Variants in RIMBP2 observed in about 807,000 individuals in gnomAD.
The protein encoded by RIMBP2 is RIMS binding protein 2, also known as RIMS-binding protein 2.
RIMBP2 carries 48 observed loss-of-function variants against 118.6 expected under a neutral mutation model. The observed-to-expected ratio is 0.40, with a 90% CI of 0.32 to 0.51. The LOEUF is 0.51. Ranked by LOEUF, RIMBP2 falls within the 20% of genes least tolerant of loss-of-function variation. The pLI, the probability that RIMBP2 is intolerant of heterozygous loss-of-function variation, is 0.41. For missense variants in RIMBP2, 1,551 were observed against 1,768.3 expected (o/e 0.88, Z 2.20); for synonymous variants, 762 against 742.9 (o/e 1.03, Z -0.42).
chr12:130,470,598 C>T, intron 6 of RIMBP2, 95 bp downstream of exon 6: 1 of 682,796 alleles, frequency 1.5e-6, no homozygotes, highest in Non-Finnish European at 2.1e-6. Context: ...ACCAGGCGCA[C>T]TTCATAAACA....
At position 130,424,395 on chromosome 12, in the gene RIMBP2, G is replaced by A. The variant is rs2076628858; in HGVS notation, c.2876C>T (p.Ala959Val). 1.6e-6 allele frequency: 2 copies of A among 1,232,598 alleles called. No individual in the cohort carries two copies. The highest frequency in any genetic ancestry group is 2.0e-6 in the Non-Finnish European group (2 of 988,188). The allele number at this position is 1,232,598 out of a possible 1,614,324, so 76.4% of individuals were successfully genotyped here. Reference protein sequence around the residue: ...PCRRGPRPLLARRRTLTRQSS... With the variant: ...PCRRGPRPLLVRRRTLTRQSS... ...CTGCCGGGTCAGCGTCCGCCGCCGG[G>A]CCAGCAGCGGCCTCGGGCCCCTCCT... Residue 959 changes from alanine (A) to valine (V), a missense_variant, in exon 16 of 23, where the codon GCC (alanine) becomes GTC (valine). Ala to Val is a moderately conservative substitution (Grantham distance 64, BLOSUM62 0). Transcript: ENST00000690449. This position sits in a 1 kb window ranked among gnomAD's most constrained non-coding sequence, Gnocchi z 9.8.
intron 2 of RIMBP2, among the ~76,000 whole-genome samples, chr12:130,603,424 C>G (rs1342312603): frequency 1.3e-5 from 2 of 152,212 alleles, no homozygotes; most frequent in African/African-American, 4.8e-5. Flanking sequence ...AGAGTGGAAA[C>G]AACCCAATAG....
chr12:130,428,290 C>T lies in RIMBP2; in HGVS notation c.2301G>A (p.Gly767=), dbSNP rs374975200. The T allele has an allele frequency of 4.2e-5, 67 of 1,612,870 alleles. No homozygotes were observed. The highest frequency in any genetic ancestry group is 5.4e-5 in the Non-Finnish European group (64 of 1,179,472). Residue 767 remains glycine (G), a synonymous_variant, in exon 15 of 23, where the codon GGG becomes GGA. Transcript: ENST00000690449. ...GDEYHTESSR[G]SDLSDIMEED... is the part of the protein sequence containing the mutation. ...CCTCCATGATGTCTGAGAGGTCAGA[C>T]CCCCGGCTGCTCTCTGTGTGGTACT...
rs901633055 is a variant in RIMBP2 at position 130,424,649 on chromosome 12, C to T, written c.2622G>A (p.Arg874=). 4 of 1,231,854 alleles carry T rather than the reference C, an allele frequency of 3.2e-6. No individual in the cohort carries two copies. The highest frequency in any genetic ancestry group is 1.6e-5 in the African/African-American group (1 of 64,384). The allele number at this position is 1,231,854 out of a possible 1,614,324, so 76.3% of individuals were successfully genotyped here. The change falls in exon 16 of 23, where the codon AGG becomes AGA. Residue 874 remains arginine, a synonymous_variant. Transcript: ENST00000690449. The surrounding 1 kb of genome is among the most constrained non-coding windows in gnomAD (Gnocchi z 9.8). ...AGGAGCCCCGAGGGGCCTCGTCGCC[C>T]CTGTAGGGCCTGCCGGGCCTGGGCT... is the stretch of plus-strand genomic sequence containing the variant. ...AREPRPGRPY[R]GDEAPRGSWF...
At chr12:130,556,089 G>A (rs755677133) in intron 2 of RIMBP2, among the ~76,000 whole-genome samples, 11 of 152,156 alleles carry the variant, frequency 7.2e-5, no homozygotes, top group Non-Finnish European at 1.5e-4. Flanking sequence ...GATTCTGACC[G>A]GGGAGTCAAG....
At chr12:130,555,617 T>C (rs189984267) in intron 2 of RIMBP2, among the ~76,000 whole-genome samples, 1 of 152,302 alleles carries the variant, frequency 6.6e-6, no homozygotes, top group Admixed American at 6.5e-5. Flanking sequence ...TCTGAATGTC[T>C]TAAAATCTAA....
chr12:130,604,578 TTTTC>T (rs199937113), intron 2 of RIMBP2, among the ~76,000 whole-genome samples: 1 of 65,800 alleles, frequency 1.5e-5, no homozygotes, highest in African/African-American at 5.9e-5. Flanking sequence ...CAGATGCCCC[TTTTC>T]TTTCTTTTTT....
chr12:130,646,126 C>A (rs1372293498), intron 1 of RIMBP2, among the ~76,000 whole-genome samples: 5 of 110,056 alleles, frequency 4.5e-5, no homozygotes, highest in Admixed American at 9.2e-5. Context: ...TCACCACCTG[C>A]CTCTCCACCT....
Position 130,529,094 on chromosome 12 carries a change from TA to T in RIMBP2, c.-216-11178del, listed in dbSNP as rs556716695. Among the ~76,000 whole-genome samples the T allele has an allele frequency of 4.9e-4, 74 of 152,248 alleles. 1 individual carries two copies. The highest frequency in any genetic ancestry group is 1.7e-3 in the African/African-American group (69 of 41,522). On this transcript the variant is annotated intron_variant, in intron 2 of 22. Transcript: ENST00000690449. Reference sequence around the variant, plus strand: ...GGATAAGCCAAATGTGGTCTGTCCATAAAGTGGAAGATTCTTCAGCCTACAG... The same window carrying T: ...GGATAAGCCAAATGTGGTCTGTCCATAAGTGGAAGATTCTTCAGCCTACAG...
intron 11 of RIMBP2, 71 bp from the exon 12 acceptor site, chr12:130,438,587 G>A: frequency 2.4e-6 from 3 of 1,260,634 alleles, no homozygotes; most frequent in South Asian, 1.5e-5. Flanking sequence ...ACTGGGCTCT[G>A]CCCATCTCAC....
intron 1 of RIMBP2, among the ~76,000 whole-genome samples, chr12:130,707,858 A>C (rs1051510073): frequency 6.6e-6 from 1 of 152,200 alleles, no homozygotes; most frequent in African/African-American, 2.4e-5. Context: ...CAACAGCTAG[A>C]TAGAGGCTGG....
intron 2 of RIMBP2, among the ~76,000 whole-genome samples, chr12:130,530,241 G>C (rs1159021083): frequency 6.6e-6 from 1 of 152,120 alleles, no homozygotes; most frequent in Non-Finnish European, 1.5e-5. Context: ...ACCGAGACTT[G>C]ATATGTTCAA....
rs776696497 is a variant in RIMBP2, at chr12:130,407,788, G to A, written c.3631C>T (p.Arg1211Trp). 1.9e-5 allele frequency: 31 copies of A among 1,613,998 alleles called. 1 individual carries two copies. Among genetic ancestry groups the A allele is most frequent in the South Asian group, 6.6e-5 (6 of 91,072 alleles). The change falls in exon 20 of 23, where the codon CGG becomes TGG. Residue 1211 changes from arginine to tryptophan, a missense_variant. By Grantham distance (101) the Arg-to-Trp change is moderately radical. This residue lies in a region of RIMBP2 where 1,038 missense variants were observed against 1,125.1 expected (regional missense o/e 0.92). Transcript: ENST00000690449. ...TAGTCATACAGGGCCACCATTCTCC[G>A]CGTCGATACCGAATGACGCCTGCCA... ...RSGRRHSVST[R>W]RMVALYDYDP...
intron 2 of RIMBP2, among the ~76,000 whole-genome samples, chr12:130,624,375 A>C (rs2061497011): frequency 6.6e-6 from 1 of 152,250 alleles, no homozygotes; most frequent in African/African-American, 2.4e-5. Flanking sequence ...TAAAAGTTGC[A>C]GAACAGATTA....
chr12:130,428,637 C>A, intron 14 of RIMBP2: 1 of 250,234 alleles, frequency 4.0e-6, no homozygotes, highest in Non-Finnish European at 7.5e-6. Flanking sequence ...GACACGCGGG[C>A]AGAATGTCCA....
rs369893837 is a variant in RIMBP2 at position 130,695,304 on chromosome 12, G to A, written c.-352+20918C>T. On this transcript the variant is annotated intron_variant, in intron 1 of 22. Transcript: ENST00000690449. ...CTCCCACGCGAGCCAGGAGGACCAC[G>A]TGGCCTCAGTCTCCCATCTCACCAA... is the stretch of plus-strand genomic sequence containing the variant. Among the ~76,000 whole-genome samples the A allele has an allele frequency of 3.3e-5, 5 of 152,130 alleles. No homozygotes were observed. The East Asian group carries it at 7.7e-4, about 24-fold the overall frequency.
chr12:130,540,243 G>C (rs569292601), intron 2 of RIMBP2, among the ~76,000 whole-genome samples: 1 of 152,320 alleles, frequency 6.6e-6, no homozygotes, highest in Admixed American at 6.5e-5. Flanking sequence ...GAAGAGGATG[G>C]ATAGGAAGAT....
chr12:130,481,429 T>G (rs1477404516), intron 4 of RIMBP2, among the ~76,000 whole-genome samples: 1 of 152,154 alleles, frequency 6.6e-6, no homozygotes, highest in African/African-American at 2.4e-5. Flanking sequence ...GGCCCGTGTT[T>G]CAGGCACGGC....
At chr12:130,677,981 C>G (rs1403919256) in intron 1 of RIMBP2, among the ~76,000 whole-genome samples, 1 of 152,274 alleles carries the variant, frequency 6.6e-6, no homozygotes, top group East Asian at 1.9e-4. Context: ...TCTGCACCCA[C>G]CGTGCTCAGC....
Sources: allele counts gnomAD v4.1 joint callset (sites outside exome capture counted in the v4.1 genomes callset), GRCh38; gene constraint gnomAD v4.1.1; regional missense constraint gnomAD v4.1.1; non-coding constraint Gnocchi (gnomAD v3.1); transcripts MANE v1.5; gene names NCBI Gene and HGNC (gene_info 2026-07-23, HGNC 2026-07-21).